The following HTR2A variants were observed in gnomAD, a reference collection of about 807,000 sequenced individuals.
The protein encoded by HTR2A is 5-HT2 receptor.
In HTR2A, 14 loss-of-function variants were observed where a neutral mutation model predicts 31.0. The ratio of observed to expected loss-of-function variants is 0.45; its 90% CI spans 0.30 to 0.71. HTR2A has a LOEUF of 0.71. HTR2A is among the 30% of genes least tolerant of loss of function. The probability of loss-of-function intolerance (pLI) is 0.09; values close to 1 mark genes in which losing one functional copy is unlikely to be tolerated. For synonymous variants in HTR2A, 209 were observed against 225.2 expected (o/e 0.93, Z 0.64); for missense variants, 442 against 573.3 (o/e 0.77, Z 2.34).
intron 3 of HTR2A, among the ~76,000 whole-genome samples, chr13:46,849,108 C>T (rs984397965): frequency 6.6e-6 from 1 of 152,154 alleles, no homozygotes; most frequent in Non-Finnish European, 1.5e-5. Flanking sequence ...CTCGCTCACC[C>T]CCCACCTTTC....
At chr13:46,882,300 C>T (rs563024412) in intron 3 of HTR2A, among the ~76,000 whole-genome samples, 5 of 151,280 alleles carry the variant, frequency 3.3e-5, no homozygotes, top group South Asian at 4.2e-4. Context: ...TTGTGGTGAA[C>T]GACTAGACAG....
At chr13:46,852,968 G>GT (rs201263915) in intron 3 of HTR2A, among the ~76,000 whole-genome samples, 41,775 of 147,570 alleles carry the variant, frequency 0.28, 6,566 homozygotes, top group East Asian at 0.53. Flanking sequence ...TAGTTCTAGG[G>GT]CTTTTTTTTT....
chr13:46,881,808 G>A (rs1172135866), intron 3 of HTR2A, among the ~76,000 whole-genome samples: 4 of 152,192 alleles, frequency 2.6e-5, no homozygotes, highest in Non-Finnish European at 5.9e-5. Context: ...TTCAGGCTGT[G>A]GGGCTGGGAA....
chr13:46,849,054 G>C (rs1950663497), intron 3 of HTR2A, among the ~76,000 whole-genome samples: 1 of 151,950 alleles, frequency 6.6e-6, no homozygotes, highest in Admixed American at 6.6e-5. Context: ...GTCTCCGATG[G>C]GCATCCCTAA....
chr13:46,879,166 T>C (rs1438095867), intron 3 of HTR2A, among the ~76,000 whole-genome samples: 2 of 152,202 alleles, frequency 1.3e-5, no homozygotes, highest in African/African-American at 4.8e-5. Context: ...CTCTCCTGCC[T>C]ATGCTCTGTA....
rs1951060879 is a variant in HTR2A, at chr13:46,892,383, C to T, written c.613+7G>A. ...CAAATGAGACTCTGAAATATGTTGC[C>T]ACTTACCTACTGATATGGTCCAAAC... On this transcript the variant is annotated splice_region_variant and intron_variant, in intron 3 of 3. Transcript: ENST00000542664. The T allele has an allele frequency of 1.2e-6, 2 of 1,612,504 alleles. No individual in the cohort carries two copies. Among genetic ancestry groups the T allele is most frequent in the Non-Finnish European group, 1.7e-6 (2 of 1,178,502 alleles).
intron 3 of HTR2A, among the ~76,000 whole-genome samples, chr13:46,877,161 A>G (rs1950920633): frequency 6.6e-6 from 1 of 152,128 alleles, no homozygotes; most frequent in Admixed American, 6.5e-5. Flanking sequence ...TTTCTTATAT[A>G]TATTTTCCAA....
At chr13:46,876,511 G>A (rs986839737) in intron 3 of HTR2A, among the ~76,000 whole-genome samples, 1 of 145,452 alleles carries the variant, frequency 6.9e-6, no homozygotes, top group Non-Finnish European at 1.5e-5. Flanking sequence ...CCGGGTTCAC[G>A]CCATTCTTCT....
chr13:46,877,398 A>G (rs1950923942), intron 3 of HTR2A, among the ~76,000 whole-genome samples: 1 of 152,344 alleles, frequency 6.6e-6, no homozygotes, highest in Admixed American at 6.5e-5. Context: ...GGCCTTCATA[A>G]TTACAACACA....
At chr13:46,846,374 A>C (rs1950643047) in intron 3 of HTR2A, among the ~76,000 whole-genome samples, 1 of 152,242 alleles carries the variant, frequency 6.6e-6, no homozygotes, top group Non-Finnish European at 1.5e-5. Flanking sequence ...AGAGTTCTTC[A>C]TTAAAAATCT....
chr13:46,859,466 C>A (rs563877657), intron 3 of HTR2A, among the ~76,000 whole-genome samples: 1 of 152,266 alleles, frequency 6.6e-6, no homozygotes, highest in South Asian at 2.1e-4. Context: ...TGTGTCCCTG[C>A]TCAAATCTCC....
intron 3 of HTR2A, among the ~76,000 whole-genome samples, chr13:46,890,291 C>G (rs1951042405): frequency 6.6e-6 from 1 of 152,168 alleles, no homozygotes; most frequent in Non-Finnish European, 1.5e-5. Context: ...TGCGGTGAGC[C>G]AAGATAGCAC....
intron 3 of HTR2A, among the ~76,000 whole-genome samples, chr13:46,891,107 G>A (rs1951048761): frequency 6.6e-6 from 1 of 152,166 alleles, no homozygotes; most frequent in South Asian, 2.1e-4. Flanking sequence ...CTGCAAGTTG[G>A]AGACATGATC....
rs575106493 is a variant in HTR2A, at chr13:46,833,317, T to C, written c.*1520A>G. 2 of 152,284 alleles carry C rather than the reference T, an allele frequency of 1.3e-5. No individual in the cohort carries two copies. Among genetic ancestry groups the C allele is most frequent in the Admixed American group, 6.5e-5 (1 of 15,298 alleles). The allele number at this position is 152,284 out of a possible 1,614,324, so 9.4% of individuals were successfully genotyped here. A position where few individuals can be genotyped will look rare whatever the true frequency, so the allele number is the denominator to read the frequency against. The stretch of plus-strand genomic sequence containing the variant: ...AAATGATTCTAAAAATAAGTCTGTA[T>C]ATATTTTTTGACTAAGACCATTTCA... On this transcript the variant is annotated 3_prime_UTR_variant, in exon 4 of 4. Coordinates refer to ENST00000542664, the MANE Select transcript of HTR2A (RefSeq NM_000621.5).
rs1318730375 is a variant in HTR2A at position 46,892,606 on chromosome 13, T to C, written c.413-16A>G. Reference sequence around the variant, plus strand: ...CACCGGTACCCTATGAGGCAGAAGGTTGGTGTCAGTGAGCAACCCTGTGCC... The same window carrying C: ...CACCGGTACCCTATGAGGCAGAAGGCTGGTGTCAGTGAGCAACCCTGTGCC... On this transcript the variant is annotated splice_polypyrimidine_tract_variant and intron_variant, in intron 2 of 3. Transcript: ENST00000542664. 1.9e-6 allele frequency: 3 copies of C among 1,612,816 alleles called. No individual in the cohort carries two copies. The highest frequency in any genetic ancestry group is 1.1e-5 in the South Asian group (1 of 91,044).
At chr13:46,870,609 T>C (rs1950856693) in intron 3 of HTR2A, among the ~76,000 whole-genome samples, 1 of 152,210 alleles carries the variant, frequency 6.6e-6, no homozygotes, top group African/African-American at 2.4e-5. Flanking sequence ...ATGAAAACAT[T>C]GGTTTAATAC....
intron 3 of HTR2A, among the ~76,000 whole-genome samples, chr13:46,859,780 A>T (rs1950766536): frequency 6.6e-6 from 1 of 152,094 alleles, no homozygotes; most frequent in South Asian, 2.1e-4. Context: ...TTTATAAATT[A>T]CCCAGCCTCA....
chr13:46,834,679 A>AACCCCGCTTT lies in HTR2A; in HGVS notation c.*148_*157dup. 1 of 594,420 alleles carries AACCCCGCTTT rather than the reference A, an allele frequency of 1.7e-6. No individual in the cohort carries two copies. Among genetic ancestry groups the AACCCCGCTTT allele is most frequent in the Non-Finnish European group, 2.9e-6 (1 of 343,230 alleles). 36.8% of individuals were successfully genotyped at this position (594,420 alleles called of 1,614,324 possible). A position where few individuals can be genotyped will look rare whatever the true frequency, so the allele number is the denominator to read the frequency against. On this transcript the variant is annotated 3_prime_UTR_variant, in exon 4 of 4. Transcript: ENST00000542664. ...TCCAAGCACACATTTTGTAGCATTGAACCCCGCTTTTCATTGACAGAATAA... is the reference window on the plus strand; with the variant it reads ...TCCAAGCACACATTTTGTAGCATTGAACCCCGCTTTACCCCGCTTTTCATTGACAGAATAA...
At position 46,831,903 on chromosome 13, in the gene HTR2A, A is replaced by T. The variant is rs902871955; in HGVS notation, c.*2934T>A. On this transcript the variant is annotated 3_prime_UTR_variant, in exon 4 of 4. Transcript: ENST00000542664. Reference sequence around the variant, plus strand: ...CTATCATTCAACTTAAAGTAGAGCAAGGTTTGTTACTCCGTTTTAATAGTA... The same window carrying T: ...CTATCATTCAACTTAAAGTAGAGCATGGTTTGTTACTCCGTTTTAATAGTA... The T allele has an allele frequency of 6.6e-6, 1 of 152,226 alleles. No individual in the cohort carries two copies. Among genetic ancestry groups the T allele is most frequent in the African/African-American group, 2.4e-5 (1 of 41,450 alleles). The allele number at this position is 152,226 out of a possible 1,614,324, so 9.4% of individuals were successfully genotyped here. A position where few individuals can be genotyped will look rare whatever the true frequency, so the allele number is the denominator to read the frequency against.
Sources: allele counts gnomAD v4.1 joint callset (sites outside exome capture counted in the v4.1 genomes callset), GRCh38; gene constraint gnomAD v4.1.1; transcripts MANE v1.5; gene names NCBI Gene and HGNC (gene_info 2026-07-23, HGNC 2026-07-21).